MYLK: variants seen among roughly 807,000 people sequenced by gnomAD.
MYLK encodes myosin light chain kinase, smooth muscle.
A neutral mutation model predicts 203.4 loss-of-function variants in MYLK; 106 were observed. The observed-to-expected ratio is 0.52, with a 90% CI of 0.45 to 0.61. The LOEUF is 0.61. MYLK is among the 20% of genes least tolerant of loss of function. The probability of loss-of-function intolerance (pLI) is 0.00; values close to 1 mark genes in which losing one functional copy is unlikely to be tolerated. For synonymous variants in MYLK, 867 were observed against 959.5 expected, an observed-to-expected ratio of 0.90 and a Z score of 1.78; for missense variants, 2,072 against 2,442.3, an observed-to-expected ratio of 0.85 and a Z score of 3.20.
intron 4 of MYLK, among the ~76,000 whole-genome samples, chr3:123,786,381 C>G (rs976615350): frequency 8.0e-5 from 12 of 150,636 alleles, no homozygotes; most frequent in Non-Finnish European, 1.2e-4. Context: ...GAGAAGGGAA[C>G]AATTGAGGGT....
chr3:123,699,221 G>A (rs1263945510), intron 18 of MYLK, among the ~76,000 whole-genome samples: 1 of 151,804 alleles, frequency 6.6e-6, no homozygotes, highest in African/African-American at 2.4e-5. Flanking sequence ...ACCAAATTGA[G>A]GGTCCAGAGA....
At chr3:123,714,251 C>A (rs2061817454) in intron 13 of MYLK, among the ~76,000 whole-genome samples, 1 of 152,176 alleles carries the variant, frequency 6.6e-6, no homozygotes, top group Non-Finnish European at 1.5e-5. Flanking sequence ...TGCGATGCCC[C>A]ATGAGGAGGG....
chr3:123,809,175 A>C (rs185978667), intron 3 of MYLK, among the ~76,000 whole-genome samples: 3 of 152,356 alleles, frequency 2.0e-5, no homozygotes, highest in Admixed American at 6.5e-5. Context: ...TTTCAGGGAC[A>C]GGGTCTGCTA....
intron 20 of MYLK, among the ~76,000 whole-genome samples, chr3:123,676,662 G>T (rs1431509550): frequency 6.6e-6 from 1 of 152,210 alleles, no homozygotes; most frequent in Non-Finnish European, 1.5e-5. Context: ...GACTGCAAAG[G>T]GATGTTCCAT....
At chr3:123,673,663 C>T (rs995279927) in intron 20 of MYLK, among the ~76,000 whole-genome samples, 3 of 152,284 alleles carry the variant, frequency 2.0e-5, no homozygotes, top group African/African-American at 7.2e-5. Flanking sequence ...CACAGTACTC[C>T]CTGGCTCACT....
intron 20 of MYLK, among the ~76,000 whole-genome samples, chr3:123,680,024 C>T (rs2060207339): frequency 6.6e-6 from 1 of 152,198 alleles, no homozygotes; most frequent in African/African-American, 2.4e-5. Context: ...GCCTGGCACC[C>T]ACCCCTGAGA....
intron 1 of MYLK, among the ~76,000 whole-genome samples, chr3:123,882,302 C>A (rs1430205398): frequency 1.3e-5 from 2 of 152,152 alleles, no homozygotes; most frequent in Non-Finnish European, 2.9e-5. Flanking sequence ...GTAGTCCCTG[C>A]TACTCAGGAG....
At chr3:123,752,150 C>G (rs1043970613) in intron 5 of MYLK, among the ~76,000 whole-genome samples, 181 bp downstream of exon 5, 3 of 152,116 alleles carry the variant, frequency 2.0e-5, no homozygotes, top group African/African-American at 7.2e-5. Flanking sequence ...TCCTGGATGC[C>G]TCCCTTGTTC....
At chr3:123,634,140 C>A (rs2108051724) in intron 29 of MYLK, among the ~76,000 whole-genome samples, 1 of 152,282 alleles carries the variant, frequency 6.6e-6, no homozygotes, top group South Asian at 2.1e-4. Context: ...GCTGAGAGGG[C>A]TGAGTAGGTC....
chr3:123,847,701 T>C (rs952834865), intron 2 of MYLK, among the ~76,000 whole-genome samples: 1 of 152,154 alleles, frequency 6.6e-6, no homozygotes, highest in Non-Finnish European at 1.5e-5. Flanking sequence ...ATATTCTTTA[T>C]GACATTAATA....
At chr3:123,782,884 T>C (rs1028912436) in intron 4 of MYLK, among the ~76,000 whole-genome samples, 6 of 152,226 alleles carry the variant, frequency 3.9e-5, no homozygotes, top group African/African-American at 1.4e-4. Flanking sequence ...ATTCTATTCA[T>C]ACAGTTCCAA....
intron 4 of MYLK, among the ~76,000 whole-genome samples, chr3:123,777,355 C>T (rs1193708120): frequency 6.6e-6 from 1 of 152,226 alleles, no homozygotes; most frequent in Admixed American, 6.5e-5. Context: ...CTTTCCATGG[C>T]CCCACAACAC....
rs369639541 is a variant in MYLK at position 123,698,456 on chromosome 3, G to T, written c.3448+1564C>A. ...GTGACCTGGGAAATGTTCCCAGTCA[G>T]GGTTTCCAATCAGTTTTACCAAGGA... On this transcript the variant is annotated intron_variant, in intron 18 of 33. Coordinates refer to ENST00000360304, the MANE Select transcript of MYLK (RefSeq NM_053025.4). Among the ~76,000 whole-genome samples the T allele has an allele frequency of 1.2e-4, 19 of 152,286 alleles. No individual in the cohort carries two copies. In the East Asian group the frequency reaches 3.5e-3, roughly 28 times the overall value.
intron 3 of MYLK, among the ~76,000 whole-genome samples, chr3:123,827,577 A>G (rs1270621853): frequency 2.0e-5 from 3 of 151,016 alleles, no homozygotes; most frequent in Non-Finnish European, 3.0e-5. Context: ...AGAAATGAAG[A>G]AGAAATAAAA....
intron 5 of MYLK, among the ~76,000 whole-genome samples, chr3:123,742,731 A>G (rs2062893532): frequency 6.6e-6 from 1 of 152,236 alleles, no homozygotes; most frequent in Non-Finnish European, 1.5e-5. Flanking sequence ...TAGACTGATT[A>G]ACTGATGAAT....
intron 27 of MYLK, 133 bp downstream of exon 27, chr3:123,647,091 G>A: frequency 2.4e-6 from 2 of 822,564 alleles, no homozygotes; most frequent in Non-Finnish European, 4.0e-6. Context: ...TATGGCTGGT[G>A]AGCATCTTAC....
intron 24 of MYLK, among the ~76,000 whole-genome samples, chr3:123,653,670 C>A (rs746538554): frequency 2.0e-5 from 3 of 152,174 alleles, no homozygotes; most frequent in Non-Finnish European, 2.9e-5. Context: ...GCAGTCACAG[C>A]TCTTCCTCCT....
At position 123,708,848 on chromosome 3, in the gene MYLK, G is replaced by T; in HGVS notation, c.1990C>A (p.Gln664Lys). 6.2e-7 allele frequency: 1 copy of T among 1,614,160 alleles called. No individual in the cohort carries two copies. Residue 664 changes from glutamine to lysine, a missense_variant, in exon 15 of 34, where the codon CAA (glutamine) becomes AAA (lysine). Transcript: ENST00000360304. Reference sequence around the variant, plus strand: ...TCAAAGTGGAAGTCCTCTGACTCTTGGATCTCATTCCCATTGTGCAGCCAG... The same window carrying T: ...TCAAAGTGGAAGTCCTCTGACTCTTTGATCTCATTCCCATTGTGCAGCCAG... ...VIWLHNGNEI[Q>K]ESEDFHFEQR... is the part of the protein sequence containing the mutation.
At chr3:123,788,373 T>C (rs921990703) in intron 4 of MYLK, among the ~76,000 whole-genome samples, 7 of 152,158 alleles carry the variant, frequency 4.6e-5, no homozygotes, top group African/African-American at 1.7e-4. Flanking sequence ...CTCTTTTTTT[T>C]TTTGATTTGT....
Sources: allele counts gnomAD v4.1 joint callset (sites outside exome capture counted in the v4.1 genomes callset), GRCh38; gene constraint gnomAD v4.1.1; transcripts MANE v1.5; gene names NCBI Gene and HGNC (gene_info 2026-07-23, HGNC 2026-07-21).